The following DMD variants were observed in gnomAD, a reference collection of about 807,000 sequenced individuals.
DMD encodes the protein mutant dystrophin.
In DMD, 63 loss-of-function variants were observed where a neutral mutation model predicts 330.1. The observed-to-expected ratio is 0.19, with a 90% CI of 0.16 to 0.24. The LOEUF is 0.24. Among genes scored for constraint, DMD ranks in the 10% least tolerant of loss-of-function variants. DMD has a pLI of 1.00. For missense variants in DMD, 3,344 were observed against 2,684.1 expected (o/e 1.25, Z -5.43); for synonymous variants, 1,223 against 959.8 (o/e 1.27, Z -5.07).
intron 2 of DMD, among the ~76,000 whole-genome samples, chrX:32,925,154 T>TG (rs59259032): frequency 3.4e-4 from 31 of 91,857 alleles, no homozygotes; most frequent in African/African-American, 9.1e-4. Flanking sequence ...GGTTTTTTTT[T>TG]TTTTTTTTTT....
chrX:32,984,570 C>T (rs1031150006), intron 2 of DMD, among the ~76,000 whole-genome samples: 12 of 111,940 alleles, frequency 1.1e-4, no homozygotes, highest in Non-Finnish European at 2.1e-4. Context: ...CTGTGTTTTA[C>T]TTTCCCTATC....
intron 16 of DMD, among the ~76,000 whole-genome samples, chrX:32,562,356 G>A (rs934022314): frequency 2.7e-5 from 3 of 112,342 alleles, no homozygotes; most frequent in African/African-American, 9.7e-5. Context: ...ATTTTTTCAC[G>A]TTTTGATCTC....
intron 7 of DMD, among the ~76,000 whole-genome samples, chrX:32,778,654 G>A (rs189423013): frequency 9.0e-6 from 1 of 111,302 alleles, no homozygotes; most frequent in African/African-American, 3.3e-5. Context: ...AGCTTTTATA[G>A]ACCTCCAATA....
intron 43 of DMD, among the ~76,000 whole-genome samples, chrX:32,220,560 T>G (rs2097128703): frequency 1.8e-5 from 2 of 111,597 alleles, no homozygotes; most frequent in Non-Finnish European, 3.8e-5. Flanking sequence ...TCTAAATCTA[T>G]TCTTGAATTT....
intron 1 of DMD, among the ~76,000 whole-genome samples, chrX:33,166,644 T>C: frequency 9.0e-6 from 1 of 111,218 alleles, no homozygotes. Context: ...TTATGTCTAT[T>C]TTTTAAAACA....
At chrX:31,757,805 G>A (rs2089246594) in intron 51 of DMD, among the ~76,000 whole-genome samples, 1 of 110,522 alleles carries the variant, frequency 9.0e-6, no homozygotes, top group Non-Finnish European at 1.9e-5. Context: ...GCCCCCTTAT[G>A]GAAATTCCCG....
intron 2 of DMD, among the ~76,000 whole-genome samples, chrX:32,914,396 T>C (rs987631957): frequency 8.9e-6 from 1 of 112,046 alleles, no homozygotes; most frequent in Non-Finnish European, 1.9e-5. Context: ...TAGAAAAGGA[T>C]TCAGGAGGGA....
intron 17 of DMD, among the ~76,000 whole-genome samples, chrX:32,539,173 T>TTTC (rs546458758): frequency 3.2e-4 from 6 of 18,893 alleles, no homozygotes; most frequent in Middle Eastern, 0.028. Flanking sequence ...TTTCTATTTC[T>TTTC]TTTTTTTTTT....
At chrX:33,055,532 G>GA (rs959814227) in intron 1 of DMD, among the ~76,000 whole-genome samples, 9 of 111,397 alleles carry the variant, frequency 8.1e-5, no homozygotes, top group African/African-American at 2.9e-4. Context: ...CTGAACGCAA[G>GA]AAAAAAAATT....
At chrX:32,038,230 A>G (rs1458618344) in intron 44 of DMD, among the ~76,000 whole-genome samples, 2 of 111,725 alleles carry the variant, frequency 1.8e-5, no homozygotes, top group African/African-American at 6.5e-5. Flanking sequence ...AGACGGATCT[A>G]TCGACTGCCT....
intron 59 of DMD, among the ~76,000 whole-genome samples, chrX:31,447,534 A>G (rs750578418): frequency 9.9e-5 from 11 of 111,233 alleles, no homozygotes; most frequent in African/African-American, 3.6e-4. Context: ...TGATTATGTA[A>G]TTTAATAAAG....
chrX:32,519,527 T>C (rs969127090), intron 17 of DMD, among the ~76,000 whole-genome samples: 1 of 111,449 alleles, frequency 9.0e-6, no homozygotes, highest in African/African-American at 3.3e-5. Context: ...ATCAGCAGTG[T>C]GTAAAATAAA....
intron 44 of DMD, among the ~76,000 whole-genome samples, chrX:32,054,286 G>A (rs1348270784): frequency 1.0e-5 from 1 of 97,143 alleles, no homozygotes; most frequent in Non-Finnish European, 2.0e-5. Context: ...TTGGTGTCCT[G>A]CACCCATTAA....
chrX:32,860,563 G>A (rs1214121212), intron 2 of DMD, among the ~76,000 whole-genome samples: 2 of 106,651 alleles, frequency 1.9e-5, no homozygotes, highest in Non-Finnish European at 3.8e-5. Context: ...ATGTAAATAG[G>A]AAGCTTTCCG....
At chrX:32,722,382 TAATC>T (rs966134550) in intron 7 of DMD, among the ~76,000 whole-genome samples, 1 of 110,874 alleles carries the variant, frequency 9.0e-6, no homozygotes, top group Non-Finnish European at 1.9e-5. Context: ...TAATAACAAA[TAATC>T]GATAGATGTT....
At chrX:32,999,607 C>G (rs35972034) in intron 2 of DMD, among the ~76,000 whole-genome samples, 3,807 of 110,306 alleles carry the variant, frequency 0.035, 128 homozygotes, top group East Asian at 0.19. Context: ...GAAACCCCGC[C>G]TCTACTAAAA....
chrX:32,288,421 T>C (rs1407685977), intron 42 of DMD, among the ~76,000 whole-genome samples: 1 of 111,926 alleles, frequency 8.9e-6, no homozygotes, highest in African/African-American at 3.3e-5. Flanking sequence ...TCAGGACATA[T>C]GCAGAATTTG....
At chrX:31,948,240 A>C (rs1439873770) in intron 45 of DMD, among the ~76,000 whole-genome samples, 6 of 111,845 alleles carry the variant, frequency 5.4e-5, no homozygotes, top group Non-Finnish European at 1.1e-4. Context: ...CTGTATGAAT[A>C]CACCACATTT....
chrX:31,806,619 T>G (rs758575485), intron 50 of DMD, among the ~76,000 whole-genome samples: 150 of 112,743 alleles, frequency 1.3e-3, no homozygotes, highest in African/African-American at 4.8e-3. Flanking sequence ...TCCTTGAGTG[T>G]GCATCCCTTG....
Sources: gnomAD v4.1 joint callset for allele counts (sites outside exome capture counted in the v4.1 genomes callset) on GRCh38, gnomAD v4.1.1 for gene constraint, MANE v1.5 for transcripts, NCBI Gene and HGNC (gene_info 2026-07-23, HGNC 2026-07-21) for gene names.